The following CDH13 variants were observed in gnomAD, a reference collection of about 807,000 sequenced individuals.
CDH13 encodes cadherin 13.
In CDH13, 24 loss-of-function variants were observed where a neutral mutation model predicts 63.8. The ratio of observed to expected loss-of-function variants is 0.38; its 90% CI spans 0.27 to 0.53. CDH13 has a LOEUF of 0.53. Among genes scored for constraint, CDH13 ranks in the 20% least tolerant of loss-of-function variants. The probability of loss-of-function intolerance (pLI) is 0.85; values close to 1 mark genes in which losing one functional copy is unlikely to be tolerated. For missense variants in CDH13, 1,049 were observed against 903.1 expected (o/e 1.16, Z -2.07); for synonymous variants, 503 against 355.3 (o/e 1.42, Z -4.67).
At chr16:83,001,026 G>A (rs547447461) in intron 2 of CDH13, among the ~76,000 whole-genome samples, 5 of 152,156 alleles carry the variant, frequency 3.3e-5, no homozygotes, top group Admixed American at 3.3e-4. Context: ...TGTATCACTT[G>A]TCTCCTGAAA....
intron 13 of CDH13, among the ~76,000 whole-genome samples, 163 bp downstream of exon 13, chr16:83,783,635 T>A (rs949118568): frequency 6.6e-6 from 1 of 152,354 alleles, no homozygotes; most frequent in Non-Finnish European, 1.5e-5. Flanking sequence ...TATGTAAAAG[T>A]GCTCCCACTG....
chr16:83,420,017 G>C (rs1283350459), intron 6 of CDH13, among the ~76,000 whole-genome samples: 1 of 151,892 alleles, frequency 6.6e-6, no homozygotes, highest in Non-Finnish European at 1.5e-5. Context: ...TGCATCTTGG[G>C]AGGCAGATTA....
At chr16:83,528,137 C>G (rs531770557) in intron 7 of CDH13, among the ~76,000 whole-genome samples, 1 of 152,214 alleles carries the variant, frequency 6.6e-6, no homozygotes, top group African/African-American at 2.4e-5. Flanking sequence ...TTTAATAATC[C>G]TCTTAATAGC....
In CDH13 at chr16:83,564,413, T is replaced by G. The variant is rs1468974970; in HGVS notation, c.961-38041T>G. Among the ~76,000 whole-genome samples, 7 of 26,666 alleles carry G rather than the reference T, an allele frequency of 2.6e-4. 1 individual carries two copies. Among genetic ancestry groups the G allele is most frequent in the African/African-American group, 2.9e-4 (4 of 13,608 alleles). 17.5% of individuals were successfully genotyped at this position (26,666 alleles called of 152,430 possible). A position where few individuals can be genotyped will look rare whatever the true frequency, so the allele number is the denominator to read the frequency against. On this transcript the variant is annotated intron_variant, in intron 7 of 13. Transcript: ENST00000567109. ...TGGGATGACTCTTTTTTTTTTTTTT[T>G]TTGTTTTTGTTTTGAGATGGAGTCT...
chr16:83,631,171 G>C (rs1053185449), intron 8 of CDH13, among the ~76,000 whole-genome samples: 22 of 152,324 alleles, frequency 1.4e-4, no homozygotes, highest in Non-Finnish European at 2.4e-4. Context: ...AAGTTGTAAA[G>C]GCTGCAGAAT....
rs79052472 is a variant in CDH13 at position 83,125,219 on chromosome 16, T to C, written c.367-166T>C. Among the ~76,000 whole-genome samples, 1,096 of 152,360 alleles carry C rather than the reference T, an allele frequency of 7.2e-3. 17 individuals are homozygous for C. Among genetic ancestry groups the C allele is most frequent in the African/African-American group, 0.025 (1,038 of 41,586 alleles). ...TAGTGAATAACAATGTCAGCTTTAG[T>C]ATTATTCTAGTAATGTACTTGGTAA... On this transcript the variant is annotated intron_variant, in intron 3 of 13. Transcript: ENST00000567109.
At chr16:82,627,709 G>A (rs902305995) in intron 1 of CDH13, among the ~76,000 whole-genome samples, 3 of 152,096 alleles carry the variant, frequency 2.0e-5, no homozygotes, top group Non-Finnish European at 4.4e-5. Flanking sequence ...GCCTCAGCCC[G>A]GCTGCTGCTG....
At chr16:83,564,913 G>T (rs1185599664) in intron 7 of CDH13, among the ~76,000 whole-genome samples, 1 of 151,974 alleles carries the variant, frequency 6.6e-6, no homozygotes, top group African/African-American at 2.4e-5. Flanking sequence ...TGTTGTTGTT[G>T]GTTTTGTTGT....
chr16:83,562,622 T>C (rs35027295), intron 7 of CDH13, among the ~76,000 whole-genome samples: 49,696 of 151,844 alleles, frequency 0.33, 8,625 homozygotes, highest in East Asian at 0.43. Context: ...ATAGATTGTC[T>C]TTGTTCTTCA....
intron 3 of CDH13, among the ~76,000 whole-genome samples, chr16:83,117,462 CT>C (rs1292267298): frequency 2.6e-5 from 4 of 152,140 alleles, no homozygotes; most frequent in African/African-American, 9.7e-5. Context: ...CCCTCTCCCC[CT>C]GAGCACTTCC....
At chr16:82,669,974 A>G (rs914749573) in intron 1 of CDH13, among the ~76,000 whole-genome samples, 1 of 152,236 alleles carries the variant, frequency 6.6e-6, no homozygotes, top group African/African-American at 2.4e-5. Flanking sequence ...TTTAAAAGAT[A>G]AAGAGAAACC....
intron 4 of CDH13, among the ~76,000 whole-genome samples, chr16:83,179,903 T>A (rs2038279654): frequency 6.6e-6 from 1 of 151,888 alleles, no homozygotes; most frequent in African/African-American, 2.4e-5. Context: ...TTTTTTTTTT[T>A]AATTTATAAG....
At chr16:82,874,525 G>T (rs2040442466) in intron 2 of CDH13, among the ~76,000 whole-genome samples, 1 of 151,850 alleles carries the variant, frequency 6.6e-6, no homozygotes, top group African/African-American at 2.4e-5. Flanking sequence ...AGCGATCCAG[G>T]CTTCTCTTAA....
Position 83,748,203 on chromosome 16 carries a change from T to G in CDH13, c.1634T>G (p.Phe545Cys). ...TTAVLDRESP[F>C]VDNSVYTALF... ...GCTGTGCTGGACCGTGAGTCCCCAT[T>G]TGTCGACAACAGCGTGTACACTGCT... Residue 545 changes from phenylalanine to cysteine, a missense_variant, in exon 11 of 14, where the codon TTT (phenylalanine) becomes TGT (cysteine). Physicochemically the swap from Phe to Cys is radical, Grantham distance 205. Transcript: ENST00000567109. The G allele has an allele frequency of 6.2e-7, 1 of 1,613,968 alleles. No individual in the cohort carries two copies. Among genetic ancestry groups the G allele is most frequent in the Non-Finnish European group, 8.5e-7 (1 of 1,179,828 alleles).
chr16:82,851,557 C>T (rs1274244381), intron 1 of CDH13, among the ~76,000 whole-genome samples: 5 of 152,144 alleles, frequency 3.3e-5, no homozygotes, highest in South Asian at 2.1e-4. Context: ...GTGTCTGTGA[C>T]CTTAATGACC....
rs74874711 is a variant in CDH13, at chr16:83,435,545, C to T, written c.782-50932C>T. ...CACTCTGTCTCATTCCACTCTCCCA[C>T]GCCCACTGTAGTCCACCCTGGTCTC... On this transcript the variant is annotated intron_variant, in intron 6 of 13. Transcript: ENST00000567109. 6.0e-3 allele frequency among the ~76,000 whole-genome samples: 921 copies of T among 152,266 alleles called. 5 individuals carry two copies. The highest frequency in any genetic ancestry group is 0.02 in the African/African-American group (829 of 41,542).
At chr16:82,929,527 C>T (rs2042410454) in intron 2 of CDH13, among the ~76,000 whole-genome samples, 1 of 151,386 alleles carries the variant, frequency 6.6e-6, no homozygotes, top group African/African-American at 2.4e-5. Flanking sequence ...TAGTGGGCGC[C>T]TGTAGTCCCA....
chr16:82,667,547 G>A (rs1912739536), intron 1 of CDH13, among the ~76,000 whole-genome samples: 1 of 151,820 alleles, frequency 6.6e-6, no homozygotes, highest in South Asian at 2.1e-4. Context: ...CCTCTACCGA[G>A]TTAAGAAGGA....
chr16:83,154,162 T>C (rs1318659579), intron 4 of CDH13, among the ~76,000 whole-genome samples: 1 of 152,160 alleles, frequency 6.6e-6, no homozygotes, highest in Non-Finnish European at 1.5e-5. Flanking sequence ...CTGCCACCTT[T>C]GTCGTTTGCC....
Sources: allele counts gnomAD v4.1 joint callset (sites outside exome capture counted in the v4.1 genomes callset), GRCh38; gene constraint gnomAD v4.1.1; transcripts MANE v1.5; gene names NCBI Gene and HGNC (gene_info 2026-07-23, HGNC 2026-07-21).